Variants in LRBA observed in about 807,000 individuals in gnomAD.
LRBA encodes the protein lipopolysaccharide-responsive and beige-like anchor protein.
A neutral mutation model predicts 330.0 loss-of-function variants in LRBA; 176 were observed. The observed-to-expected ratio is 0.53, with a 90% confidence interval of 0.47 to 0.60. The LOEUF is 0.60. LRBA is among the 20% of genes least tolerant of loss of function. The pLI is 0.00. For synonymous variants in LRBA, 1,230 were observed against 1,193.0 expected (o/e 1.03, Z -0.64); for missense variants, 3,259 against 3,444.8 (o/e 0.95, Z 1.35).
chr4:150,878,357 A>G (rs775857868), intron 17 of LRBA, among the ~76,000 whole-genome samples: 8 of 152,086 alleles, frequency 5.3e-5, no homozygotes, highest in Non-Finnish European at 8.8e-5. Flanking sequence ...GAAATTTTAT[A>G]GCACATAGCA....
chr4:150,806,355 G>T lies in LRBA; in HGVS notation c.5434C>A (p.Arg1812Ser). Residue 1812 changes from arginine (R) to serine (S), a missense_variant, in exon 33 of 57, where the codon CGT becomes AGT. By Grantham distance (110) the Arg-to-Ser change is moderately radical (BLOSUM62 -1). Transcript: ENST00000651943. ...GGTGCAAAATCCACAAAAATCTCAC[G>T]AAGGAGAGGAGCTGCCTTTTCCAAA... ...HALEKAAPLL[R>S]EIFVDFAPFL... The T allele has an allele frequency of 6.2e-7, 1 of 1,610,798 alleles. No homozygotes were observed. The highest frequency in any genetic ancestry group is 1.1e-5 in the South Asian group (1 of 90,574).
intron 37 of LRBA, among the ~76,000 whole-genome samples, chr4:150,629,164 C>T (rs548068321): frequency 1.1e-4 from 16 of 152,268 alleles, no homozygotes; most frequent in Middle Eastern, 6.8e-3. Context: ...AGCCTCACTA[C>T]GTGCTGAGAT....
chr4:151,013,559 C>T (rs1745091838), intron 2 of LRBA: 1 of 151,966 alleles, frequency 6.6e-6, no homozygotes, highest in Non-Finnish European at 1.5e-5. Flanking sequence ...TGAATTATAC[C>T]TCAATTTAAA....
At chr4:150,621,090 C>CG (rs1776248202) in intron 37 of LRBA, among the ~76,000 whole-genome samples, 1 of 60,046 alleles carries the variant, frequency 1.7e-5, no homozygotes, top group East Asian at 4.5e-4. Context: ...TTCCCTTCTT[C>CG]GGAAAAAAAA....
At chr4:150,468,257 G>C (rs1053637064) in intron 43 of LRBA, among the ~76,000 whole-genome samples, 16 of 151,900 alleles carry the variant, frequency 1.1e-4, no homozygotes, top group Non-Finnish European at 2.1e-4. Context: ...ACTTAACCCT[G>C]GTGGACATTC....
At position 150,921,206 on chromosome 4, in the gene LRBA, T is replaced by C. The variant is rs538370042; in HGVS notation, c.637A>G (p.Ser213Gly). The change falls in exon 5 of 57, where the codon AGT becomes GGT. Residue 213 changes from serine to glycine, a missense_variant. Ser to Gly is a moderately conservative substitution (Grantham distance 56). Transcript: ENST00000651943. ...CATTAATATTTACTTACTGCAGCAC[T>C]CTTTCCTGGAAAGTTAAAAAAGGCA... ...PDAFFNFPGKSAAAIALPPIA... is the reference protein window; with the variant it reads ...PDAFFNFPGKGAAAIALPPIA... 28 of 1,605,124 alleles carry C rather than the reference T, an allele frequency of 1.7e-5. No individual in the cohort carries two copies. The Admixed American group carries it at 4.2e-4, about 24-fold the overall frequency.
chr4:150,325,990 C>A, intron 48 of LRBA, 92 bp from the exon 49 acceptor site: 1 of 760,760 alleles, frequency 1.3e-6, no homozygotes, highest in Non-Finnish European at 2.3e-6. Context: ...ATTCCATACT[C>A]TGGCTTGTTT....
chr4:150,817,216 G>C lies in LRBA; in HGVS notation c.5213C>G (p.Ser1738Cys). ...VAAKKSAVSP[S>C]TFNTSIPTNA... ...GGTAGGTATGCTTGTATTAAAGGTG[G>C]AAGGTGAGACTGCTGACTTTTTTGC... Residue 1738 changes from serine to cysteine, a missense_variant, in exon 31 of 57, where the codon TCC (serine) becomes TGC (cysteine). By Grantham distance (112) the Ser-to-Cys change is moderately radical (BLOSUM62 -1). Transcript: ENST00000651943. 6.2e-7 allele frequency: 1 copy of C among 1,612,326 alleles called. No homozygotes were observed. The highest frequency in any genetic ancestry group is 8.5e-7 in the Non-Finnish European group (1 of 1,178,758).
Position 150,321,206 on chromosome 4 carries a change from A to G in LRBA, c.7615T>C (p.Trp2539Arg). ...TANRLFAVNK[W>R]HNLPAHQGAV... ...CTTTACTTACCAGGAAGGTTGTGCC[A>G]TTTGTTCACCGCAAATAACCTGTTA... The change falls in exon 50 of 57, where the codon TGG (tryptophan) becomes CGG (arginine). Residue 2539 changes from tryptophan (W) to arginine (R), a missense_variant. By Grantham distance (101) the Trp-to-Arg change is moderately radical (BLOSUM62 -3). Transcript: ENST00000651943. This position sits in a 1 kb window ranked among gnomAD's most constrained non-coding sequence, Gnocchi z 4.5. 1 of 1,608,952 alleles carries G rather than the reference A, an allele frequency of 6.2e-7. No individual in the cohort carries two copies. The highest frequency in any genetic ancestry group is 1.7e-5 in the Admixed American group (1 of 58,618).
At chr4:150,491,196 G>A (rs1178457795) in intron 40 of LRBA, among the ~76,000 whole-genome samples, 161 bp from the exon 41 acceptor site, 1 of 151,884 alleles carries the variant, frequency 6.6e-6, no homozygotes, top group Admixed American at 6.6e-5. Flanking sequence ...AAAATAAATT[G>A]TAATTTATAG....
chr4:150,290,420 T>A (rs566020882), intron 53 of LRBA, among the ~76,000 whole-genome samples: 3 of 152,270 alleles, frequency 2.0e-5, no homozygotes, highest in Non-Finnish European at 4.4e-5. Flanking sequence ...GATAGTAGGA[T>A]CTCCCAAAGG....
At chr4:151,009,936 C>T (rs549177972) in intron 2 of LRBA, among the ~76,000 whole-genome samples, 2 of 151,856 alleles carry the variant, frequency 1.3e-5, no homozygotes, top group East Asian at 1.9e-4. Context: ...GCCGAGATCG[C>T]GCCACTGCAC....
intron 2 of LRBA, among the ~76,000 whole-genome samples, chr4:150,994,338 C>T (rs965393105): frequency 6.6e-6 from 1 of 152,056 alleles, no homozygotes; most frequent in Admixed American, 6.6e-5. Flanking sequence ...TATTCCTCAC[C>T]TTTAAAATGG....
chr4:150,510,715 C>T (rs1006559704), intron 40 of LRBA, among the ~76,000 whole-genome samples: 1 of 152,106 alleles, frequency 6.6e-6, no homozygotes, highest in Non-Finnish European at 1.5e-5. Context: ...TCTATTGTTG[C>T]CAAAGCACGC....
intron 47 of LRBA, among the ~76,000 whole-genome samples, chr4:150,393,682 T>C (rs1473445031): frequency 1.3e-5 from 2 of 152,158 alleles, no homozygotes; most frequent in East Asian, 3.9e-4. Flanking sequence ...GATGGGGTCT[T>C]GGGATGTTTC....
chr4:150,690,288 G>T (rs1784004179), intron 36 of LRBA, among the ~76,000 whole-genome samples: 1 of 152,060 alleles, frequency 6.6e-6, no homozygotes, highest in Non-Finnish European at 1.5e-5. Context: ...TAGATCACAA[G>T]GTCAGGAGAT....
chr4:150,552,932 G>A (rs935972246), intron 40 of LRBA, among the ~76,000 whole-genome samples: 18 of 151,942 alleles, frequency 1.2e-4, no homozygotes, highest in African/African-American at 3.9e-4. Context: ...AGCCTGGCAT[G>A]GTGGCAGGCG....
intron 40 of LRBA, among the ~76,000 whole-genome samples, chr4:150,527,879 G>A (rs1429831699): frequency 6.6e-6 from 1 of 152,196 alleles, no homozygotes; most frequent in East Asian, 1.9e-4. Flanking sequence ...AGGTGCCAAA[G>A]ACAACTGACA....
At chr4:150,278,037 G>C (rs760920629) in intron 55 of LRBA, 33 bp from the exon 56 acceptor site, 1 of 1,601,850 alleles carries the variant, frequency 6.2e-7, no homozygotes, top group Non-Finnish European at 8.5e-7. Flanking sequence ...GTAGAAATGT[G>C]GTTCTAGGAA....
Sources: allele counts gnomAD v4.1 joint callset (sites outside exome capture counted in the v4.1 genomes callset), GRCh38; gene constraint gnomAD v4.1.1; non-coding constraint Gnocchi (gnomAD v3.1); transcripts MANE v1.5; gene names NCBI Gene and HGNC (gene_info 2026-07-23, HGNC 2026-07-21).